USP48: variants seen among roughly 807,000 people sequenced by gnomAD.
USP48 encodes the protein ubiquitin specific peptidase 48.
Under a neutral mutation model 150.7 loss-of-function variants are expected in USP48, and 43 were observed. The observed-to-expected ratio is 0.29, with a 90% CI of 0.22 to 0.37. The LOEUF is 0.37. Among genes scored for constraint, USP48 ranks in the 10% least tolerant of loss-of-function variants. USP48 has a pLI of 1.00. For synonymous variants in USP48, 396 were observed against 425.9 expected, an observed-to-expected ratio of 0.93 and a Z score of 0.86; for missense variants, 813 against 1,249.6, an observed-to-expected ratio of 0.65 and a Z score of 5.27.
intron 1 of USP48, 77 bp downstream of exon 1, chr1:21,782,747 C>T: frequency 3.5e-6 from 5 of 1,446,182 alleles, no homozygotes; most frequent in Non-Finnish European, 4.5e-6. Context: ...GGGCTGCCGT[C>T]TTCCTTTCCC....
intron 1 of USP48, among the ~76,000 whole-genome samples, chr1:21,779,908 C>T (rs971723958): frequency 3.9e-5 from 6 of 152,160 alleles, no homozygotes; most frequent in African/African-American, 1.2e-4. Context: ...ACCAGAAAAA[C>T]AGAAAATAGT....
At chr1:21,696,842 G>A (rs2097634054) in intron 22 of USP48, among the ~76,000 whole-genome samples, 2 of 115,520 alleles carry the variant, frequency 1.7e-5, no homozygotes, top group African/African-American at 3.3e-5. Context: ...AGAGGTTAAT[G>A]ATCAAGATTC....
At chr1:21,758,185 A>AAC (rs149088635) in intron 1 of USP48, among the ~76,000 whole-genome samples, 50,250 of 141,146 alleles carry the variant, frequency 0.36, 8,641 homozygotes, top group East Asian at 0.45. Context: ...GCAACTGTAA[A>AAC]ACACACACAC....
intron 9 of USP48, chr1:21,732,766 T>C: frequency 8.1e-6 from 2 of 246,076 alleles, no homozygotes; most frequent in South Asian, 4.1e-5. Context: ...CAAGACCTGT[T>C]CAGTTATCCT....
chr1:21,769,812 C>T (rs1432098955), intron 1 of USP48, among the ~76,000 whole-genome samples: 2 of 152,036 alleles, frequency 1.3e-5, no homozygotes, highest in Non-Finnish European at 2.9e-5. Flanking sequence ...ACCCCAGAGG[C>T]CAAGGCTGCA....
At position 21,697,434 on chromosome 1, in the gene USP48, T is replaced by C. The variant is rs563666549; in HGVS notation, c.2728-2213A>G. The stretch of plus-strand genomic sequence containing the variant: ...ATCCCAGCACTTTGGGAGGCCAAGG[T>C]GGGCGGATCACAAGGTCAGGAGATT... On this transcript the variant is annotated intron_variant, in intron 22 of 26. Transcript: ENST00000308271. 1.3e-4 allele frequency among the ~76,000 whole-genome samples: 20 copies of C among 151,742 alleles called. No homozygotes were observed. The South Asian group carries it at 1.5e-3, about 11-fold the overall frequency.
chr1:21,728,816 A>AT lies in USP48; in HGVS notation c.1301-98dup, dbSNP rs2097747285. On this transcript the variant is annotated intron_variant, in intron 10 of 26. Transcript: ENST00000308271. ...AATCATATCAAATACTGATTAAAAC[A>AT]TTGGCAGAAATTCCAACTATGGTCT... 11 of 1,402,734 alleles carry AT rather than the reference A, an allele frequency of 7.8e-6. No individual in the cohort carries two copies. The South Asian group carries it at 1.3e-4, about 16-fold the overall frequency. 86.9% of individuals were successfully genotyped at this position (1,402,734 alleles called of 1,614,324 possible).
Position 21,721,731 on chromosome 1 carries a change from C to T in USP48, c.1682G>A (p.Arg561His), listed in dbSNP as rs367934145. The change falls in exon 13 of 27, where the codon CGT becomes CAT. Residue 561 changes from arginine (R) to histidine (H), a missense_variant. Physicochemically the swap from Arg to His is conservative, Grantham distance 29 (BLOSUM62 0). Transcript: ENST00000308271. ...KALCKECVVE[R>H]CRILRLKNQL... is the part of the protein sequence containing the mutation. The stretch of plus-strand genomic sequence containing the variant: ...GTTCTTCAGACGCAATATGCGACAA[C>T]GTTCTACTACACATTCCTTACACAG... The T allele has an allele frequency of 5.0e-6, 8 of 1,607,284 alleles. No homozygotes were observed. The highest frequency in any genetic ancestry group is 1.7e-5 in the Admixed American group (1 of 59,308).
chr1:21,710,296 T>C (rs958574497), intron 15 of USP48, among the ~76,000 whole-genome samples: 5 of 152,170 alleles, frequency 3.3e-5, no homozygotes, highest in Admixed American at 1.3e-4. Flanking sequence ...AAGAGAAATC[T>C]AGTTAACAAT....
rs567313616 is a variant in USP48, at chr1:21,697,457, A to T, written c.2728-2236T>A. ...GGTGGGCGGATCACAAGGTCAGGAG[A>T]TTGAGACCATCCTGGCTAACATGGT... On this transcript the variant is annotated intron_variant, in intron 22 of 26. Coordinates refer to ENST00000308271, the MANE Select transcript of USP48 (RefSeq NM_032236.8). Among the ~76,000 whole-genome samples, 5 of 152,222 alleles carry T rather than the reference A, an allele frequency of 3.3e-5. No homozygotes were observed. In the East Asian group the frequency reaches 7.7e-4, roughly 23 times the overall value.
intron 3 of USP48, among the ~76,000 whole-genome samples, chr1:21,753,389 T>TA (rs1205611508): frequency 2.0e-5 from 3 of 151,148 alleles, no homozygotes; most frequent in South Asian, 2.1e-4. Context: ...CCGTCTCCAC[T>TA]AAAAAAAATA....
chr1:21,695,439 T>C (rs1244951677), intron 22 of USP48, among the ~76,000 whole-genome samples: 2 of 152,218 alleles, frequency 1.3e-5, no homozygotes, highest in East Asian at 1.9e-4. Context: ...TCTAAGTGCA[T>C]GTAAGCAGTT....
chr1:21,759,877 C>A (rs760255534), intron 1 of USP48, among the ~76,000 whole-genome samples: 1 of 152,138 alleles, frequency 6.6e-6, no homozygotes, highest in Non-Finnish European at 1.5e-5. Flanking sequence ...CGGATGCTAA[C>A]GTAGGCAAGT....
At chr1:21,720,336 G>A (rs1007845647) in intron 14 of USP48, among the ~76,000 whole-genome samples, 1 of 152,192 alleles carries the variant, frequency 6.6e-6, no homozygotes, top group Non-Finnish European at 1.5e-5. Flanking sequence ...GAGAGAGCTT[G>A]AGCCCGAAGC....
intron 1 of USP48, among the ~76,000 whole-genome samples, chr1:21,777,547 G>T (rs1279378588): frequency 6.6e-6 from 1 of 152,012 alleles, no homozygotes; most frequent in African/African-American, 2.4e-5. Context: ...ACAACTTGCA[G>T]TTGTACCTAC....
intron 3 of USP48, among the ~76,000 whole-genome samples, chr1:21,754,015 G>GTT (rs2097824691): frequency 6.6e-6 from 1 of 151,826 alleles, no homozygotes; most frequent in African/African-American, 2.4e-5. Flanking sequence ...ACAAAAATTA[G>GTT]TGGGGCATGG....
chr1:21,736,443 T>C lies in USP48; in HGVS notation c.1171+3A>G. 6.2e-7 allele frequency: 1 copy of C among 1,600,650 alleles called. No individual in the cohort carries two copies. Among genetic ancestry groups the C allele is most frequent in the East Asian group, 2.3e-5 (1 of 44,152 alleles). ...AAGGGCACTCACAACTTAAAGGTTT[T>C]ACCTAGATCTTCCTCAATCCCTAGT... is the stretch of plus-strand genomic sequence containing the variant. On this transcript the variant is annotated splice_donor_region_variant and intron_variant, in intron 9 of 26. Transcript: ENST00000308271.
At chr1:21,758,185 A>AACACACACACACAC (rs149088635) in intron 1 of USP48, among the ~76,000 whole-genome samples, 72 of 141,438 alleles carry the variant, frequency 5.1e-4, no homozygotes, top group South Asian at 9.3e-4. Flanking sequence ...GCAACTGTAA[A>AACACACACACACAC]ACACACACAC....
intron 8 of USP48, among the ~76,000 whole-genome samples, chr1:21,740,746 T>A (rs2152566625): frequency 6.6e-6 from 1 of 152,178 alleles, no homozygotes; most frequent in Middle Eastern, 3.4e-3. Context: ...AATACATAAA[T>A]AAAATTTTAA....
Sources: gnomAD v4.1 joint callset for allele counts (sites outside exome capture counted in the v4.1 genomes callset) on GRCh38, gnomAD v4.1.1 for gene constraint, MANE v1.5 for transcripts, NCBI Gene and HGNC (gene_info 2026-07-23, HGNC 2026-07-21) for gene names.